Variants in CELF2 observed in about 807,000 individuals in gnomAD.
CELF2 encodes CUGBP Elav-like family member 2, also known as CUG triplet repeat RNA-binding protein 2.
A neutral mutation model predicts 62.6 loss-of-function variants in CELF2; 8 were observed. The observed-to-expected ratio is 0.13, with a 90% CI of 0.07 to 0.23. The LOEUF (loss-of-function observed/expected upper bound fraction) is 0.23. Among genes scored for constraint, CELF2 ranks in the 10% least tolerant of loss-of-function variants. The pLI is 1.00. For synonymous variants in CELF2, 258 were observed against 250.0 expected (o/e 1.03, Z -0.30); for missense variants, 333 against 671.0 (o/e 0.50, Z 5.56).
At chr10:10,541,116 G>T in the CELF2 span, among the ~76,000 whole-genome samples, 1 of 151,788 alleles carries the variant, frequency 6.6e-6, no homozygotes, top group Non-Finnish European at 1.5e-5. Flanking sequence ...GGTGGTGGGT[G>T]CCTGTAGTCC....
intron 11 of CELF2, among the ~76,000 whole-genome samples, chr10:11,323,818 G>A (rs1403772826): frequency 6.6e-6 from 1 of 152,174 alleles, no homozygotes; most frequent in Non-Finnish European, 1.5e-5. Flanking sequence ...GAGGAAGAGA[G>A]ATGACACACA....
the CELF2 span, among the ~76,000 whole-genome samples, chr10:10,654,882 G>A: frequency 6.4e-4 from 96 of 150,128 alleles, no homozygotes; most frequent in Non-Finnish European, 1.2e-3. Context: ...AATCGGGCAG[G>A]AGAAGGAAAT....
intron 3 of CELF2, among the ~76,000 whole-genome samples, chr10:11,221,769 C>G (rs2064949510): frequency 6.6e-6 from 1 of 152,126 alleles, no homozygotes; most frequent in African/African-American, 2.4e-5. Flanking sequence ...TATGCCTTAC[C>G]CATTTCTTTT....
chr10:11,086,578 T>TAAA (rs1168932032), intron 1 of CELF2, among the ~76,000 whole-genome samples: 3,237 of 71,882 alleles, frequency 0.045, 400 homozygotes, highest in Non-Finnish European at 0.059. Context: ...TTGCATTTGT[T>TAAA]AAAAAAAAAA....
chr10:10,609,784 C>T, the CELF2 span, among the ~76,000 whole-genome samples: 1 of 152,230 alleles, frequency 6.6e-6, no homozygotes, highest in South Asian at 2.1e-4. Flanking sequence ...ACCCAACTGG[C>T]TTGTGACTCA....
Position 11,321,393 on chromosome 10 carries a change from G to T in CELF2, c.1294+7G>T. 1 of 1,601,142 alleles carries T rather than the reference G, an allele frequency of 6.2e-7. No individual in the cohort carries two copies. On this transcript the variant is annotated splice_region_variant and intron_variant, in intron 11 of 12. Transcript: ENST00000633077. This position sits in a 1 kb window ranked among gnomAD's most constrained non-coding sequence, Gnocchi z 6.2. ...GCAGGCAGCCAGAAGGAAGGTAGGTGCCGCCCTTGGCCCCAGGCAGGGCCC... is the reference window on the plus strand; with the variant it reads ...GCAGGCAGCCAGAAGGAAGGTAGGTTCCGCCCTTGGCCCCAGGCAGGGCCC...
rs2096045851 is a variant in CELF2 at position 11,332,452 on chromosome 10, TTTCATCTAAG to T, written c.*3401_*3410del. 6.6e-6 allele frequency: 1 copy of T among 152,412 alleles called. No homozygotes were observed. Among genetic ancestry groups the T allele is most frequent in the African/African-American group, 2.4e-5 (1 of 41,400 alleles). 9.4% of individuals were successfully genotyped at this position (152,412 alleles called of 1,614,324 possible). On this transcript the variant is annotated 3_prime_UTR_variant, in exon 13 of 13. Transcript: ENST00000633077. ...TTTTTGGTTTTTTTAATTGAACACA[TTTCATCTAAG>T]TAAAGCTCAGTTCTTTATCACAATT...
At chr10:10,844,102 A>G (rs1383834234) in intron 1 of CELF2, among the ~76,000 whole-genome samples, 1 of 151,950 alleles carries the variant, frequency 6.6e-6, no homozygotes, top group Non-Finnish European at 1.5e-5. Flanking sequence ...CCTTTCTCCT[A>G]TCTTTGTTCC....
chr10:11,124,963 A>G (rs1395979432), intron 1 of CELF2, among the ~76,000 whole-genome samples: 1 of 152,186 alleles, frequency 6.6e-6, no homozygotes, highest in Admixed American at 6.6e-5. Context: ...TCCTGGAACA[A>G]CAGGTAGATT....
chr10:10,905,530 G>A (rs2063262878), intron 1 of CELF2, among the ~76,000 whole-genome samples: 1 of 150,844 alleles, frequency 6.6e-6, no homozygotes, highest in Non-Finnish European at 1.5e-5. Flanking sequence ...GTTCACTTGA[G>A]GCCAGGAGTT....
intron 8 of CELF2, among the ~76,000 whole-genome samples, chr10:11,281,055 C>G (rs2088478281): frequency 6.6e-6 from 1 of 151,132 alleles, no homozygotes; most frequent in African/African-American, 2.4e-5. Context: ...TTCATCCTCC[C>G]TCTTCTCCGT....
chr10:10,973,616 G>T lies in CELF2; in HGVS notation c.89+53617G>T, dbSNP rs182158000. Among the ~76,000 whole-genome samples the T allele has an allele frequency of 7.7e-4, 117 of 152,238 alleles. 2 individuals are homozygous for T. Among genetic ancestry groups the T allele is most frequent in the Non-Finnish European group, 1.4e-3 (98 of 68,000 alleles). On this transcript the variant is annotated intron_variant, in intron 2 of 13. Transcript: ENST00000636488. ...AAGTCTCACTCAAATGCCTAGGCTG[G>T]ACTGCAGTAGCTCAGTCATAGCTCA...
the CELF2 span, among the ~76,000 whole-genome samples, chr10:10,641,498 T>C: frequency 6.6e-6 from 1 of 152,152 alleles, no homozygotes; most frequent in Non-Finnish European, 1.5e-5. Flanking sequence ...TGGAGTGCAA[T>C]GGTGGGGTCT....
rs2078545431 is a variant in CELF2 at position 11,255,758 on chromosome 10, G to T, written c.404-1980G>T. ...GGCCACCTTCTCTCCATTTCTAGGA[G>T]AGAAAAGAGTCTAAACTTTCATTCC... On this transcript the variant is annotated intron_variant, in intron 4 of 12. Transcript: ENST00000633077. The surrounding 1 kb of genome is among the most constrained non-coding windows in gnomAD (Gnocchi z 5.5). Among the ~76,000 whole-genome samples, 1 of 152,274 alleles carries T rather than the reference G, an allele frequency of 6.6e-6. No individual in the cohort carries two copies. Among genetic ancestry groups the T allele is most frequent in the Non-Finnish European group, 1.5e-5 (1 of 68,022 alleles).
the CELF2 span, among the ~76,000 whole-genome samples, chr10:10,703,717 T>C: frequency 3.4e-4 from 51 of 152,128 alleles, no homozygotes; most frequent in Admixed American, 3.2e-3. Context: ...TGGGTAATAA[T>C]AAAAATTGAG....
chr10:11,258,362 G>A (rs1396778985), intron 5 of CELF2, among the ~76,000 whole-genome samples: 1 of 152,170 alleles, frequency 6.6e-6, no homozygotes, highest in Non-Finnish European at 1.5e-5. Flanking sequence ...AACTGGGCCT[G>A]TATTGGGGTA....
the CELF2 span, among the ~76,000 whole-genome samples, chr10:10,536,503 T>C: frequency 6.6e-6 from 1 of 152,198 alleles, no homozygotes; most frequent in African/African-American, 2.4e-5. Context: ...CGGAGGAGAA[T>C]TGAACGAATC....
At position 11,309,200 on chromosome 10, in the gene CELF2, A is replaced by G. The variant is rs1000805007; in HGVS notation, c.977-4939A>G. ...TGCATGTTCTTGTTCCCTTGCATAT[A>G]TCATAGCTTTCTATTAACAACAGGA... is the stretch of plus-strand genomic sequence containing the variant. On this transcript the variant is annotated intron_variant, in intron 9 of 12. Coordinates refer to ENST00000633077, the MANE Select transcript of CELF2 (RefSeq NM_001326342.2). The surrounding 1 kb of genome is among the most constrained non-coding windows in gnomAD (Gnocchi z 5.6). Among the ~76,000 whole-genome samples, 1 of 152,194 alleles carries G rather than the reference A, an allele frequency of 6.6e-6. No individual in the cohort carries two copies. The highest frequency in any genetic ancestry group is 1.5e-5 in the Non-Finnish European group (1 of 68,046).
Position 11,330,288 on chromosome 10 carries a change from A to G in CELF2, c.*1235A>G, listed in dbSNP as rs79866196. ...TCCAGATGGATTCTCTTGGGGTTTCATTGTGCTGTGGATAAGGAGTGTAAG... is the reference window on the plus strand; with the variant it reads ...TCCAGATGGATTCTCTTGGGGTTTCGTTGTGCTGTGGATAAGGAGTGTAAG... On this transcript the variant is annotated 3_prime_UTR_variant, in exon 13 of 13. Transcript: ENST00000633077. This position sits in a 1 kb window ranked among gnomAD's most constrained non-coding sequence, Gnocchi z 4.5. The G allele has an allele frequency of 3.2e-3, 491 of 152,662 alleles. 1 individual carries two copies. Among genetic ancestry groups the G allele is most frequent in the Non-Finnish European group, 4.7e-3 (320 of 68,022 alleles). The allele number at this position is 152,662 out of a possible 1,614,324, so 9.5% of individuals were successfully genotyped here.
Sources: allele counts gnomAD v4.1 joint callset (sites outside exome capture counted in the v4.1 genomes callset), GRCh38; gene constraint gnomAD v4.1.1; non-coding constraint Gnocchi (gnomAD v3.1); transcripts MANE v1.5; gene names NCBI Gene and HGNC (gene_info 2026-07-23, HGNC 2026-07-21).